The following ACSL6 variants were observed in gnomAD, a reference collection of about 807,000 sequenced individuals.
ACSL6 encodes acyl-CoA synthetase long chain family member 6.
In ACSL6, 47 loss-of-function variants were observed where a neutral mutation model predicts 98.2. The observed-to-expected ratio is 0.48, with a 90% CI of 0.38 to 0.61. ACSL6 has a LOEUF of 0.61. ACSL6 is among the 20% of genes least tolerant of loss of function. The probability of loss-of-function intolerance (pLI) is 0.00; values close to 1 mark genes in which losing one functional copy is unlikely to be tolerated. For missense variants in ACSL6, 761 were observed against 913.4 expected (o/e 0.83, Z 2.15); for synonymous variants, 362 against 336.9 (o/e 1.07, Z -0.82).
chr5:131,990,708 G>A, intron 3 of ACSL6, 145 bp downstream of exon 3: 1 of 703,406 alleles, frequency 1.4e-6, no homozygotes, highest in Non-Finnish European at 2.4e-6. Context: ...ACTGGTGGGA[G>A]AAAGGCCAGG....
chr5:131,990,967 C>T lies in ACSL6; in HGVS notation c.271G>A (p.Asp91Asn), dbSNP rs766790391. 6.2e-7 allele frequency: 1 copy of T among 1,613,944 alleles called. No individual in the cohort carries two copies. Among genetic ancestry groups the T allele is most frequent in the South Asian group, 1.1e-5 (1 of 91,074 alleles). The part of the protein sequence containing the change: ...NLLMQSEEVE[D>N]SGGARRSVIG... ...ACAGATCGCCGTGCCCCGCCACTGT[C>T]CTACAAGCCAAGCACCGGCCAGAGA... Residue 91 changes from aspartate to asparagine, a missense_variant and splice_region_variant, in exon 3 of 21, where the codon GAC (aspartate) becomes AAC (asparagine). Asp to Asn is a conservative substitution (Grantham distance 23). Coordinates refer to ENST00000651883, the MANE Select transcript of ACSL6 (RefSeq NM_001009185.3).
chr5:131,994,192 G>A lies in ACSL6; in HGVS notation c.109C>T (p.Leu37=), dbSNP rs774553707. The change falls in exon 2 of 21, where the codon CTG becomes TTG. Residue 37 remains leucine, a synonymous_variant. Transcript: ENST00000651883. ...TGTCCCAAGTCACCTAGCTCAGGCAGTCGCAGTATCCTCAGGATCTCCTGT... is the reference window on the plus strand; with the variant it reads ...TGTCCCAAGTCACCTAGCTCAGGCAATCGCAGTATCCTCAGGATCTCCTGT... ...QTQEILRILR[L]PELGDLGQFF... is the part of the protein sequence containing the mutation. 4.0e-5 allele frequency: 64 copies of A among 1,614,080 alleles called. No individual in the cohort carries two copies. The highest frequency in any genetic ancestry group is 6.7e-5 in the Admixed American group (4 of 60,008).
Position 131,954,498 on chromosome 5 carries a change from A to G in ACSL6, c.2032-127T>C, listed in dbSNP as rs1330638545. The G allele has an allele frequency of 2.9e-6, 3 of 1,026,426 alleles. No individual in the cohort carries two copies. In the Admixed American group the frequency reaches 1.1e-4, roughly 37 times the overall value. 63.6% of individuals were successfully genotyped at this position (1,026,426 alleles called of 1,614,324 possible). On this transcript the variant is annotated intron_variant, in intron 20 of 20. Transcript: ENST00000651883. ...CATACAGACATTATGCTAAGTCAAA[A>G]TTATGTTGAGAACATTTCAGCCTAT... is the stretch of plus-strand genomic sequence containing the variant.
At chr5:131,979,779 A>T (rs1753799330) in intron 9 of ACSL6, among the ~76,000 whole-genome samples, 1 of 152,222 alleles carries the variant, frequency 6.6e-6, no homozygotes, top group Admixed American at 6.5e-5. Context: ...TTCTGGTGCA[A>T]TGTCAGTAAG....
intron 6 of ACSL6, 35 bp downstream of exon 6, chr5:131,988,770 T>C (rs1050451816): frequency 4.4e-6 from 7 of 1,604,252 alleles, no homozygotes; most frequent in Admixed American, 1.7e-5. Context: ...TGGGGACCAG[T>C]TGCCAGTGGC....
Position 131,972,827 on chromosome 5 carries a change from C to A in ACSL6, c.1235G>T (p.Arg412Leu), listed in dbSNP as rs571229269. Residue 412 changes from arginine to leucine, a missense_variant, in exon 13 of 21, where the codon CGC (arginine) becomes CTC (leucine). Arg to Leu is a moderately radical substitution (Grantham distance 102). Transcript: ENST00000651883. ...CTTTGCTGCAAACTCCAGGAGCCAG[C>A]GCTTTAATGGTGTGTTTGCCTGGCT... ...IFSQANTPLK[R>L]WLLEFAAKRK... 3.1e-6 allele frequency: 5 copies of A among 1,614,192 alleles called. No individual in the cohort carries two copies. The South Asian group carries it at 3.3e-5, about 11-fold the overall frequency.
Position 131,954,068 on chromosome 5 carries a change from G to T in ACSL6, c.*166C>A, listed in dbSNP as rs1036096747. ...ATAATAAAAATAAAATATACTCATT[G>T]ATGATAGAGAAAATATTGTTAAAGA... On this transcript the variant is annotated 3_prime_UTR_variant, in exon 21 of 21. Transcript: ENST00000651883. The T allele has an allele frequency of 1.2e-5, 6 of 513,082 alleles. No homozygotes were observed. In the African/African-American group the frequency reaches 1.2e-4, roughly 10 times the overall value. The allele number at this position is 513,082 out of a possible 1,614,324, so 31.8% of individuals were successfully genotyped here.
At chr5:131,960,984 G>T (rs1414085399) in intron 18 of ACSL6, 2 of 179,764 alleles carry the variant, frequency 1.1e-5, no homozygotes, top group Non-Finnish European at 2.3e-5. Flanking sequence ...ACGTTGAAAT[G>T]GTTTCATTAA....
At chr5:132,004,774 C>G (rs967211476) in intron 1 of ACSL6, among the ~76,000 whole-genome samples, 2 of 152,164 alleles carry the variant, frequency 1.3e-5, no homozygotes, top group African/African-American at 2.4e-5. Flanking sequence ...GGGGAAGGCC[C>G]AACCTCCATT....
chr5:132,003,196 C>T (rs147623700), intron 1 of ACSL6, among the ~76,000 whole-genome samples: 11 of 152,332 alleles, frequency 7.2e-5, no homozygotes, highest in African/African-American at 2.2e-4. Flanking sequence ...CTTCTGAATG[C>T]CTCAAGAAGA....
chr5:131,953,317 A>G lies in ACSL6; in HGVS notation c.*917T>C, dbSNP rs1034421778. 2 of 184,796 alleles carry G rather than the reference A, an allele frequency of 1.1e-5. No homozygotes were observed. The highest frequency in any genetic ancestry group is 2.3e-5 in the African/African-American group (1 of 42,670). 11.4% of individuals were successfully genotyped at this position (184,796 alleles called of 1,614,324 possible). A position where few individuals can be genotyped will look rare whatever the true frequency, so the allele number is the denominator to read the frequency against. On this transcript the variant is annotated 3_prime_UTR_variant, in exon 21 of 21. Coordinates refer to ENST00000651883, the MANE Select transcript of ACSL6 (RefSeq NM_001009185.3). ...CTATATAAATATGACATGTGTTTTA[A>G]TAATATCTGAATTTGGCTGGGAACA...
At position 131,959,516 on chromosome 5, in the gene ACSL6, A is replaced by C. The variant is rs368843508; in HGVS notation, c.2031+20T>G. The C allele has an allele frequency of 1.2e-6, 2 of 1,611,628 alleles. No homozygotes were observed. Among genetic ancestry groups the C allele is most frequent in the Non-Finnish European group, 1.7e-6 (2 of 1,177,708 alleles). ...CACTGCCTGAAGGGTTGTAACGAGT[A>C]TGGGGAAGGTAACAGTTACCTGCTC... On this transcript the variant is annotated intron_variant, in intron 20 of 20. Transcript: ENST00000651883.
chr5:131,975,275 A>G, intron 10 of ACSL6: 1 of 1,234,158 alleles, frequency 8.1e-7, no homozygotes. Context: ...AGCCAAATGA[A>G]GCACACAGAA....
rs1007275970 is a variant in ACSL6 at position 131,986,735 on chromosome 5, G to A, written c.864+87C>T. ...AGGAGTTGCTTATTAACACAGAGGTGCTGTTCTGTGCACAGTGAGGGACTC... is the reference window on the plus strand; with the variant it reads ...AGGAGTTGCTTATTAACACAGAGGTACTGTTCTGTGCACAGTGAGGGACTC... On this transcript the variant is annotated intron_variant, in intron 8 of 20. Transcript: ENST00000651883. The A allele has an allele frequency of 2.0e-5, 30 of 1,501,146 alleles. No individual in the cohort carries two copies. The African/African-American group carries it at 2.3e-4, about 12-fold the overall frequency. The allele number at this position is 1,501,146 out of a possible 1,614,324, so 93.0% of individuals were successfully genotyped here.
chr5:131,996,280 G>A (rs1754788457), intron 1 of ACSL6, among the ~76,000 whole-genome samples: 1 of 152,226 alleles, frequency 6.6e-6, no homozygotes, highest in African/African-American at 2.4e-5. Flanking sequence ...CCAAGTTATA[G>A]ACCACAGTAG....
chr5:132,007,437 A>G (rs1330512458), intron 1 of ACSL6, among the ~76,000 whole-genome samples: 1 of 152,208 alleles, frequency 6.6e-6, no homozygotes, highest in Non-Finnish European at 1.5e-5. Flanking sequence ...CTTTAAGGAA[A>G]GCCTAATACA....
At chr5:131,954,659 G>A (rs1307151556) in intron 20 of ACSL6, among the ~76,000 whole-genome samples, 2 of 152,162 alleles carry the variant, frequency 1.3e-5, no homozygotes, top group Non-Finnish European at 2.9e-5. Flanking sequence ...CCCTTAGGGA[G>A]CGCACATTCA....
intron 9 of ACSL6, among the ~76,000 whole-genome samples, chr5:131,981,143 C>T (rs1753865411): frequency 6.6e-6 from 1 of 152,018 alleles, no homozygotes; most frequent in Non-Finnish European, 1.5e-5. Flanking sequence ...CCCACCCACA[C>T]CAAAGCTTCG....
Sources: gnomAD v4.1 joint callset for allele counts (sites outside exome capture counted in the v4.1 genomes callset) on GRCh38, gnomAD v4.1.1 for gene constraint, MANE v1.5 for transcripts, NCBI Gene and HGNC (gene_info 2026-07-23, HGNC 2026-07-21) for gene names.